Variants in PTER observed in about 807,000 individuals in gnomAD.
PTER encodes N-acetyltaurine hydrolase.
In PTER, 38 loss-of-function variants were observed where a neutral mutation model predicts 29.6. The observed-to-expected ratio is 1.28, with a 90% CI of 0.99 to 1.68. The LOEUF (loss-of-function observed/expected upper bound fraction) is 1.68, where lower values mean the gene tolerates loss of function less well. PTER is among the 40% of genes most tolerant of loss of function. The pLI, the probability that PTER is intolerant of heterozygous loss-of-function variation, is 0.00. For synonymous variants in PTER, 172 were observed against 154.5 expected, an observed-to-expected ratio of 1.11 and a Z score of -0.84; for missense variants, 482 against 427.8, an observed-to-expected ratio of 1.13 and a Z score of -1.12.
At chr10:16,480,490 C>T (rs1269000442) in intron 1 of PTER, among the ~76,000 whole-genome samples, 1 of 152,122 alleles carries the variant, frequency 6.6e-6, no homozygotes, top group Non-Finnish European at 1.5e-5. Flanking sequence ...GCCACTGTGC[C>T]TGACCTAATT....
chr10:16,441,224 A>G (rs559017034), intron 1 of PTER, among the ~76,000 whole-genome samples: 1 of 152,354 alleles, frequency 6.6e-6, no homozygotes, highest in East Asian at 1.9e-4. Context: ...AACAATTTTC[A>G]GTGCACTTCC....
intron 3 of PTER, among the ~76,000 whole-genome samples, chr10:16,504,585 C>T (rs1836488946): frequency 6.6e-6 from 1 of 152,172 alleles, no homozygotes; most frequent in Non-Finnish European, 1.5e-5. Flanking sequence ...CCCAGATTAG[C>T]ATTACTCACC....
chr10:16,499,869 A>G (rs1053502221), intron 3 of PTER, among the ~76,000 whole-genome samples: 2 of 149,600 alleles, frequency 1.3e-5, no homozygotes, highest in African/African-American at 2.4e-5. Flanking sequence ...GGTTTTTTTT[A>G]TGACAGCAAA....
chr10:16,448,741 C>G (rs1321345310), intron 1 of PTER, among the ~76,000 whole-genome samples: 1 of 152,162 alleles, frequency 6.6e-6, no homozygotes, highest in Non-Finnish European at 1.5e-5. Context: ...CGATCGGGGT[C>G]CCTCTGAACA....
intron 1 of PTER, among the ~76,000 whole-genome samples, chr10:16,452,717 CTCTTCT>C (rs768719408): frequency 6.6e-6 from 1 of 151,032 alleles, no homozygotes; most frequent in Non-Finnish European, 1.5e-5. Context: ...TTTCCTCTTC[CTCTTCT>C]TCTTCTACTT....
intron 1 of PTER, among the ~76,000 whole-genome samples, chr10:16,480,240 A>G (rs537121047): frequency 0.011 from 1,657 of 149,352 alleles, 28 homozygotes; most frequent in African/African-American, 0.04. Context: ...TCCAGGCTAG[A>G]GTGCAGTGGC....
intron 4 of PTER, among the ~76,000 whole-genome samples, chr10:16,510,333 G>A (rs1266839133): frequency 5.9e-5 from 9 of 152,150 alleles, no homozygotes; most frequent in Non-Finnish European, 1.0e-4. Context: ...TAAATTTAAA[G>A]GAACAGCTTA....
At chr10:16,485,984 T>C (rs946559285) in intron 2 of PTER, among the ~76,000 whole-genome samples, 1 of 152,142 alleles carries the variant, frequency 6.6e-6, no homozygotes, top group East Asian at 1.9e-4. Context: ...GGGACATAGA[T>C]TCAATTCATT....
intron 1 of PTER, among the ~76,000 whole-genome samples, chr10:16,483,683 T>TA (rs1835568537): frequency 6.6e-6 from 1 of 151,982 alleles, no homozygotes. Flanking sequence ...CCCCATCTCC[T>TA]AAAAATGCAA....
intron 1 of PTER, among the ~76,000 whole-genome samples, chr10:16,477,164 A>G (rs1835299587): frequency 6.6e-6 from 1 of 152,116 alleles, no homozygotes; most frequent in South Asian, 2.1e-4. Flanking sequence ...TTGGCCTCCC[A>G]GAGTGCTGGG....
chr10:16,486,306 T>C (rs997364755), intron 2 of PTER, 46 bp from the exon 3 acceptor site: 1 of 1,527,042 alleles, frequency 6.5e-7, no homozygotes, highest in Non-Finnish European at 8.9e-7. Context: ...TCTATTTTGA[T>C]AAATTTCACA....
chr10:16,440,553 T>C (rs1043614946), intron 1 of PTER, among the ~76,000 whole-genome samples: 1 of 152,236 alleles, frequency 6.6e-6, no homozygotes, highest in Non-Finnish European at 1.5e-5. Context: ...GCTGTGAATG[T>C]TAGCCATTTC....
intron 3 of PTER, among the ~76,000 whole-genome samples, chr10:16,502,180 G>A (rs1013028240): frequency 1.3e-5 from 2 of 152,170 alleles, no homozygotes; most frequent in African/African-American, 4.8e-5. Context: ...TGTAACTGGT[G>A]ACTCCATTTC....
At chr10:16,453,522 TACTC>T (rs145956124) in intron 1 of PTER, among the ~76,000 whole-genome samples, 10 of 152,324 alleles carry the variant, frequency 6.6e-5, no homozygotes, top group East Asian at 1.9e-4. Context: ...CCTCTATTCT[TACTC>T]ACAAGCAGTA....
At chr10:16,468,105 G>A (rs1489300819) in intron 1 of PTER, among the ~76,000 whole-genome samples, 1 of 152,168 alleles carries the variant, frequency 6.6e-6, no homozygotes, top group Non-Finnish European at 1.5e-5. Context: ...ACTTTGGGAG[G>A]CTGAGGCAGG....
At position 16,477,723 on chromosome 10, in the gene PTER, AT is replaced by A. The variant is rs549816469; in HGVS notation, c.-48-6610del. On this transcript the variant is annotated intron_variant, in intron 1 of 4. Transcript: ENST00000535784. ...ATGGATTCTTACCTCTGAACCCATC[AT>A]TTTACCAACTAGACCACACCACCTC... Among the ~76,000 whole-genome samples, 17 of 152,304 alleles carry A rather than the reference AT, an allele frequency of 1.1e-4. No homozygotes were observed. In the East Asian group the frequency reaches 2.9e-3, roughly 26 times the overall value.
At chr10:16,443,688 A>G (rs1189237912) in intron 1 of PTER, among the ~76,000 whole-genome samples, 4 of 152,242 alleles carry the variant, frequency 2.6e-5, no homozygotes, top group Non-Finnish European at 5.9e-5. Flanking sequence ...AAAAAAATGT[A>G]CATAATCAAG....
intron 4 of PTER, among the ~76,000 whole-genome samples, chr10:16,510,441 C>T (rs1324978588): frequency 1.3e-5 from 2 of 152,190 alleles, no homozygotes; most frequent in African/African-American, 2.4e-5. Flanking sequence ...ATCAAAATTG[C>T]CATAGACTTC....
rs140029847 is a variant in PTER at position 16,486,358 on chromosome 10, G to A, written c.439G>A (p.Asp147Asn). ...TRAMSVEQLT[D>N]VLMNEILHGA... ...CCTTCTCACTCTTCCTTAGCTTACC[G>A]ATGTCCTTATGAATGAAATTCTCCA... The change falls in exon 3 of 5, where the codon GAT becomes AAT. Residue 147 changes from aspartate (D) to asparagine (N), a missense_variant. Coordinates refer to ENST00000535784, the MANE Select transcript of PTER (RefSeq NM_001261836.2). The A allele has an allele frequency of 1.5e-5, 24 of 1,612,580 alleles. No homozygotes were observed. Among genetic ancestry groups the A allele is most frequent in the South Asian group, 4.4e-5 (4 of 90,980 alleles).
Sources: allele counts gnomAD v4.1 joint callset (sites outside exome capture counted in the v4.1 genomes callset), GRCh38; gene constraint gnomAD v4.1.1; transcripts MANE v1.5; gene names NCBI Gene and HGNC (gene_info 2026-07-23, HGNC 2026-07-21).